Variants in TMCC1 observed in about 807,000 individuals in gnomAD.
The protein encoded by TMCC1 is transmembrane and coiled-coil domain family 1, also known as transmembrane and coiled-coil domains protein 1.
In TMCC1, 15 loss-of-function variants were observed where a neutral mutation model predicts 52.4. The observed-to-expected ratio is 0.29, with a 90% CI of 0.19 to 0.44. The LOEUF (loss-of-function observed/expected upper bound fraction) is 0.44. Ranked by LOEUF, TMCC1 falls within the 20% of genes least tolerant of loss-of-function variation. TMCC1 has a pLI of 1.00. For missense variants in TMCC1, 503 were observed against 806.0 expected (o/e 0.62, Z 4.55); for synonymous variants, 279 against 301.9 (o/e 0.92, Z 0.79).
At chr3:129,779,795 C>T (rs533903715) in intron 4 of TMCC1, among the ~76,000 whole-genome samples, 3 of 152,240 alleles carry the variant, frequency 2.0e-5, no homozygotes, top group African/African-American at 7.2e-5. Flanking sequence ...GGTTTGGTCA[C>T]TGAATAGTTT....
chr3:129,805,943 A>C (rs183494685), intron 4 of TMCC1, among the ~76,000 whole-genome samples: 159 of 152,256 alleles, frequency 1.0e-3, no homozygotes, highest in African/African-American at 3.5e-3. Context: ...TCAAAAAAAA[A>C]CAAAAAAACA....
At chr3:129,665,975 C>G (rs1447608376) in intron 5 of TMCC1, among the ~76,000 whole-genome samples, 1 of 152,184 alleles carries the variant, frequency 6.6e-6, no homozygotes, top group East Asian at 1.9e-4. Context: ...TAACAAACAG[C>G]AACACTGTGC....
Position 129,670,464 on chromosome 3 carries a change from A to C in TMCC1, c.1377T>G (p.Phe459Leu). ...TNTLDMQSSG[F>L]DALLHEIQEI... ...CCTGGATCTCATGTAGTAGTGCATC[A>C]AATCCTGAGCTCTGCATGTCCAGGG... The change falls in exon 5 of 7, where the codon TTT becomes TTG. Residue 459 changes from phenylalanine to leucine, a missense_variant. Phe to Leu is a conservative substitution (Grantham distance 22). Transcript: ENST00000393238. 2 of 1,614,150 alleles carry C rather than the reference A, an allele frequency of 1.2e-6. No homozygotes were observed. The highest frequency in any genetic ancestry group is 1.7e-6 in the Non-Finnish European group (2 of 1,180,018).
chr3:129,733,815 TATC>T (rs1271323389), intron 4 of TMCC1, among the ~76,000 whole-genome samples: 1 of 152,186 alleles, frequency 6.6e-6, no homozygotes, highest in Non-Finnish European at 1.5e-5. Flanking sequence ...CTCCACTAGC[TATC>T]ATAAGCTTTG....
intron 2 of TMCC1, chr3:129,847,527 G>A (rs2059719566): frequency 1.3e-5 from 2 of 152,164 alleles, no homozygotes; most frequent in Non-Finnish European, 2.9e-5. Flanking sequence ...TTATTGCCGA[G>A]TAGTATTCCA....
intron 4 of TMCC1, among the ~76,000 whole-genome samples, chr3:129,756,100 GAAAAAAA>G: frequency 2.0e-5 from 1 of 50,304 alleles, no homozygotes; most frequent in South Asian, 6.2e-4. Context: ...TCCATCTCAA[GAAAAAAA>G]AAAAAAAAGA....
intron 4 of TMCC1, among the ~76,000 whole-genome samples, chr3:129,739,857 G>A (rs2051306088): frequency 1.3e-5 from 2 of 152,208 alleles, no homozygotes; most frequent in South Asian, 2.1e-4. Context: ...AACCTGAGGA[G>A]TCTGATTTCA....
At chr3:129,821,278 C>G (rs73206265) in intron 4 of TMCC1, among the ~76,000 whole-genome samples, 7,486 of 152,166 alleles carry the variant, frequency 0.049, 277 homozygotes, top group Non-Finnish European at 0.073. Flanking sequence ...CATGAACTAG[C>G]TCTCTGGTCT....
intron 4 of TMCC1, among the ~76,000 whole-genome samples, chr3:129,684,415 G>T (rs2089254417): frequency 6.6e-6 from 1 of 152,198 alleles, no homozygotes; most frequent in South Asian, 2.1e-4. Context: ...GTCGGGGAGA[G>T]TGGGAGAGAC....
intron 4 of TMCC1, among the ~76,000 whole-genome samples, chr3:129,683,701 C>A (rs2089190389): frequency 6.6e-6 from 1 of 151,986 alleles, no homozygotes; most frequent in Non-Finnish European, 1.5e-5. Context: ...AACATTGTGC[C>A]CAATAGTTAA....
intron 6 of TMCC1, among the ~76,000 whole-genome samples, chr3:129,654,333 G>T (rs1477073083): frequency 6.6e-6 from 1 of 152,194 alleles, no homozygotes; most frequent in Non-Finnish European, 1.5e-5. Flanking sequence ...CTGGGTAAAT[G>T]ATCTAGACAT....
intron 4 of TMCC1, among the ~76,000 whole-genome samples, chr3:129,674,162 C>G (rs1377215104): frequency 6.6e-6 from 1 of 152,218 alleles, no homozygotes; most frequent in African/African-American, 2.4e-5. Flanking sequence ...ATGCATTCCT[C>G]AGAATGTATC....
chr3:129,810,336 A>G (rs2057735217), intron 4 of TMCC1, among the ~76,000 whole-genome samples: 1 of 148,194 alleles, frequency 6.7e-6, no homozygotes, highest in Admixed American at 6.7e-5. Context: ...ACAGAGTGAG[A>G]GACACTGTCT....
intron 2 of TMCC1, among the ~76,000 whole-genome samples, chr3:129,865,118 A>G (rs1416831867): frequency 6.6e-6 from 1 of 152,136 alleles, no homozygotes; most frequent in East Asian, 1.9e-4. Context: ...CTTAATCTGG[A>G]GGGTCAAGAA....
At chr3:129,821,662 T>C (rs1032682676) in intron 4 of TMCC1, among the ~76,000 whole-genome samples, 5 of 152,206 alleles carry the variant, frequency 3.3e-5, no homozygotes, top group African/African-American at 1.2e-4. Flanking sequence ...CAACATTTTA[T>C]GTGGTTAGTA....
intron 4 of TMCC1, among the ~76,000 whole-genome samples, chr3:129,788,629 AT>A (rs71620061): frequency 7.5e-4 from 109 of 144,786 alleles, no homozygotes; most frequent in Middle Eastern, 3.5e-3. Flanking sequence ...CGCCCGGCTA[AT>A]TTTTTTTTTT....
intron 4 of TMCC1, among the ~76,000 whole-genome samples, chr3:129,772,314 C>A (rs1004276218): frequency 3.3e-5 from 5 of 151,988 alleles, no homozygotes; most frequent in African/African-American, 1.2e-4. Context: ...GCCCTCCAGT[C>A]TGGGCGATAG....
chr3:129,772,739 A>AAAAAAAAAAC (rs2054705891), intron 4 of TMCC1, among the ~76,000 whole-genome samples: 1 of 149,130 alleles, frequency 6.7e-6, no homozygotes, highest in Non-Finnish European at 1.5e-5. Context: ...AAAAAAAAAA[A>AAAAAAAAAAC]AAAAACTGAT....
intron 5 of TMCC1, 109 bp downstream of exon 5, chr3:129,670,221 C>G: frequency 8.4e-7 from 1 of 1,192,750 alleles, no homozygotes; most frequent in East Asian, 2.3e-5. Flanking sequence ...ACCGAAAGTG[C>G]TCTGGACACT....
Sources: gnomAD v4.1 joint callset for allele counts (sites outside exome capture counted in the v4.1 genomes callset) on GRCh38, gnomAD v4.1.1 for gene constraint, MANE v1.5 for transcripts, NCBI Gene and HGNC (gene_info 2026-07-23, HGNC 2026-07-21) for gene names.